The following CAPZA1 variants were observed in gnomAD, a reference collection of about 807,000 sequenced individuals.
The protein encoded by CAPZA1 is F-actin-capping protein subunit alpha-1.
In CAPZA1, 10 loss-of-function variants were observed where a neutral mutation model predicts 40.8. The observed-to-expected ratio is 0.25, with a 90% confidence interval of 0.15 to 0.42. The LOEUF is 0.42. CAPZA1 is among the 10% of genes least tolerant of loss of function. The pLI is 1.00. For missense variants in CAPZA1, 277 were observed against 353.8 expected, an observed-to-expected ratio of 0.78 and a Z score of 1.74; for synonymous variants, 98 against 115.0, an observed-to-expected ratio of 0.85 and a Z score of 0.95.
intron 1 of CAPZA1, among the ~76,000 whole-genome samples, chr1:112,631,842 C>T (rs1450628558): frequency 6.6e-6 from 1 of 152,052 alleles, no homozygotes; most frequent in East Asian, 1.9e-4. Flanking sequence ...AGCTCCTAAA[C>T]AAGTTGCTTA....
intron 1 of CAPZA1, among the ~76,000 whole-genome samples, chr1:112,642,469 C>A (rs1422000868): frequency 1.3e-5 from 2 of 152,032 alleles, no homozygotes; most frequent in Non-Finnish European, 2.9e-5. Flanking sequence ...CCCACTTTGG[C>A]CTCCCAAAGT....
chr1:112,636,460 A>T (rs565986242), intron 1 of CAPZA1, among the ~76,000 whole-genome samples: 1 of 152,322 alleles, frequency 6.6e-6, no homozygotes, highest in East Asian at 1.9e-4. Context: ...TAGTAATTTT[A>T]TTGTAATATT....
At chr1:112,645,826 T>A (rs1557732272) in intron 1 of CAPZA1, among the ~76,000 whole-genome samples, 1 of 151,598 alleles carries the variant, frequency 6.6e-6, no homozygotes, top group South Asian at 2.1e-4. Flanking sequence ...GCTGGGCCTG[T>A]TGATGAGTGC....
At chr1:112,657,559 A>G (rs890195923) in intron 5 of CAPZA1, among the ~76,000 whole-genome samples, 17 of 151,936 alleles carry the variant, frequency 1.1e-4, no homozygotes, top group African/African-American at 4.1e-4. Context: ...TCTAGAAATT[A>G]TCTTTTACTT....
Position 112,658,993 on chromosome 1 carries a change from C to T in CAPZA1, c.427-29C>T, listed in dbSNP as rs914366055. 22 of 1,514,164 alleles carry T rather than the reference C, an allele frequency of 1.5e-5. No homozygotes were observed. In the Middle Eastern group the frequency reaches 5.1e-4, roughly 35 times the overall value. The allele number at this position is 1,514,164 out of a possible 1,614,324, so 93.8% of individuals were successfully genotyped here. A position where few individuals can be genotyped will look rare whatever the true frequency, so the allele number is the denominator to read the frequency against. On this transcript the variant is annotated intron_variant, in intron 5 of 9. Transcript: ENST00000263168. ...TGTTTAAATTAAAAGTGTTTGGAGT[C>T]TTTAACTATTTTTTTTTCCCAACAA...
rs184511556 is a variant in CAPZA1 at position 112,661,268 on chromosome 1, G to A, written c.585+1489G>A. ...CCCAACTCAGGTGAGACAGGCTGGT[G>A]TTGAGTTCACAGCTCTAGGAGGAGC... is the stretch of plus-strand genomic sequence containing the variant. On this transcript the variant is annotated intron_variant, in intron 7 of 9. Coordinates refer to ENST00000263168, the MANE Select transcript of CAPZA1 (RefSeq NM_006135.3). Among the ~76,000 whole-genome samples the A allele has an allele frequency of 4.3e-4, 65 of 152,298 alleles. 1 individual carries two copies. The highest frequency in any genetic ancestry group is 1.4e-3 in the African/African-American group (59 of 41,578).
At chr1:112,667,185 C>T (rs759853238) in intron 8 of CAPZA1, 40 bp downstream of exon 8, 21 of 1,398,846 alleles carry the variant, frequency 1.5e-5, no homozygotes, top group African/African-American at 2.9e-5. Context: ...ACTCATGTCT[C>T]GTTTTTCTTT....
chr1:112,659,574 T>TTC (rs113906793), intron 6 of CAPZA1, 127 bp from the exon 7 acceptor site: 1 of 638,318 alleles, frequency 1.6e-6, no homozygotes, highest in Non-Finnish European at 2.6e-6. Flanking sequence ...AAATGACAGT[T>TTC]TCTCTCTCTC....
At chr1:112,643,801 T>G (rs975983764) in intron 1 of CAPZA1, among the ~76,000 whole-genome samples, 6 of 152,302 alleles carry the variant, frequency 3.9e-5, no homozygotes, top group African/African-American at 1.2e-4. Flanking sequence ...ACAGTAAGAT[T>G]ATCTGTATAA....
chr1:112,622,355 G>A (rs1670693746), intron 1 of CAPZA1, among the ~76,000 whole-genome samples: 1 of 152,176 alleles, frequency 6.6e-6, no homozygotes, highest in Admixed American at 6.5e-5. Flanking sequence ...AAAACAGGAA[G>A]TTGAAAGTGT....
At chr1:112,645,221 T>G (rs1243931532) in intron 1 of CAPZA1, among the ~76,000 whole-genome samples, 2 of 152,186 alleles carry the variant, frequency 1.3e-5, no homozygotes, top group East Asian at 3.8e-4. Flanking sequence ...CAAACTAAAT[T>G]AAAGTCAGAG....
chr1:112,633,791 C>T (rs1292395557), intron 1 of CAPZA1, among the ~76,000 whole-genome samples: 2 of 152,158 alleles, frequency 1.3e-5, no homozygotes, highest in East Asian at 3.8e-4. Flanking sequence ...TTCTGACAGG[C>T]ATGAGGTGAT....
At chr1:112,657,595 C>CT (rs556166060) in intron 5 of CAPZA1, among the ~76,000 whole-genome samples, 171 of 144,374 alleles carry the variant, frequency 1.2e-3, no homozygotes, top group Non-Finnish European at 1.6e-3. Flanking sequence ...ACCCCTAATT[C>CT]TTTTTTTTTT....
intron 3 of CAPZA1, 43 bp downstream of exon 3, chr1:112,649,512 TGG>T: frequency 7.0e-7 from 1 of 1,434,048 alleles, no homozygotes; most frequent in Non-Finnish European, 9.8e-7. Context: ...ACTCTAACAT[TGG>T]ATAAACTATG....
At chr1:112,659,645 C>A in intron 6 of CAPZA1, 56 bp from the exon 7 acceptor site, 1 of 1,366,312 alleles carries the variant, frequency 7.3e-7, no homozygotes, top group South Asian at 1.2e-5. Context: ...AGTGGCAAAT[C>A]ACCTCTTTCT....
intron 7 of CAPZA1, among the ~76,000 whole-genome samples, chr1:112,665,386 G>T (rs1671705749): frequency 6.6e-6 from 1 of 151,848 alleles, no homozygotes; most frequent in Admixed American, 6.6e-5. Flanking sequence ...CGCCGTGTTG[G>T]CCAGGCTGGT....
intron 8 of CAPZA1, 120 bp from the exon 9 acceptor site, chr1:112,669,423 A>T (rs1442115980): frequency 1.4e-6 from 1 of 736,246 alleles, no homozygotes; most frequent in African/African-American, 1.8e-5. Context: ...TGGGCATGGG[A>T]ACACTTGGAA....
intron 7 of CAPZA1, among the ~76,000 whole-genome samples, chr1:112,662,395 CTTTTTTTTTTTT>C (rs35100851): frequency 5.1e-5 from 5 of 97,260 alleles, no homozygotes; most frequent in Admixed American, 1.4e-4. Context: ...TAGAATTTTT[CTTTTTTTTTTTT>C]TTTTTTTTTG....
chr1:112,624,605 C>CAAAAA (rs34860716), intron 1 of CAPZA1, among the ~76,000 whole-genome samples: 2 of 55,824 alleles, frequency 3.6e-5, no homozygotes, highest in Non-Finnish European at 6.0e-5. Context: ...AAAACTCCAT[C>CAAAAA]AAAAAAAAAA....
Sources: gnomAD v4.1 joint callset for allele counts (sites outside exome capture counted in the v4.1 genomes callset) on GRCh38, gnomAD v4.1.1 for gene constraint, MANE v1.5 for transcripts, NCBI Gene and HGNC (gene_info 2026-07-23, HGNC 2026-07-21) for gene names.